SBF1: variants seen among roughly 807,000 people sequenced by gnomAD.
SBF1 encodes the protein SET binding factor 1.
In SBF1, 65 loss-of-function variants were observed where a neutral mutation model predicts 215.8. That is an observed-to-expected ratio of 0.30 (90% CI 0.25 to 0.37). The LOEUF (loss-of-function observed/expected upper bound fraction) is 0.37. SBF1 is among the 10% of genes least tolerant of loss of function. The probability of loss-of-function intolerance (pLI) is 1.00; values close to 1 mark genes in which losing one functional copy is unlikely to be tolerated. For synonymous variants in SBF1, 1,410 were observed against 1,122.8 expected (o/e 1.26, Z -5.11); for missense variants, 2,634 against 2,667.8 (o/e 0.99, Z 0.28).
intron 4 of SBF1, 36 bp from the exon 5 acceptor site, chr22:50,467,484 G>A (rs749357254): frequency 1.1e-5 from 17 of 1,613,728 alleles, no homozygotes; most frequent in Admixed American, 3.3e-5. Context: ...TGGGACAGCC[G>A]ATGGAAGCAC....
chr22:50,446,921 C>T lies in SBF1; in HGVS notation c.*221G>A. The T allele has an allele frequency of 1.4e-6, 1 of 722,732 alleles. No homozygotes were observed. The highest frequency in any genetic ancestry group is 1.4e-5 in the South Asian group (1 of 69,006). The allele number at this position is 722,732 out of a possible 1,614,324, so 44.8% of individuals were successfully genotyped here. A position where few individuals can be genotyped will look rare whatever the true frequency, so the allele number is the denominator to read the frequency against. On this transcript the variant is annotated 3_prime_UTR_variant, in exon 41 of 41. Coordinates refer to ENST00000380817, the MANE Select transcript of SBF1 (RefSeq NM_002972.4). The stretch of plus-strand genomic sequence containing the variant: ...ATTTACAGGCCCATTGCGGGCTGTA[C>T]CTTGGCCACCTCCCGGCACGGTGCT...
chr22:50,453,316 C>CTGCT (rs1262031274), intron 36 of SBF1, among the ~76,000 whole-genome samples: 2 of 152,234 alleles, frequency 1.3e-5, no homozygotes, highest in African/African-American at 4.8e-5. Context: ...GAAAAAGGGA[C>CTGCT]TGCTGTCTGT....
intron 36 of SBF1, 146 bp downstream of exon 36, chr22:50,454,366 T>A: frequency 2.9e-6 from 2 of 694,868 alleles, no homozygotes; most frequent in South Asian, 3.5e-5. Context: ...GCAGTTCACA[T>A]GGTGGGGAGA....
rs1569513437 is a variant in SBF1 at position 50,465,083 on chromosome 22, A to G, written c.1250T>C (p.Met417Thr). The G allele has an allele frequency of 1.9e-6, 3 of 1,614,098 alleles. No homozygotes were observed. The highest frequency in any genetic ancestry group is 2.5e-6 in the Non-Finnish European group (3 of 1,180,008). ...QRGLVEDDFL[M>T]KVLEGMAFAG... The stretch of plus-strand genomic sequence containing the variant: ...AAAGGCCATGCCCTCCAGCACCTTC[A>G]TCAGGAAATCGTCCTCTACCAGCCC... The change falls in exon 12 of 41, where the codon ATG (methionine) becomes ACG (threonine). Residue 417 changes from methionine (M) to threonine (T), a missense_variant. Transcript: ENST00000380817.
chr22:50,455,758 G>A lies in SBF1; in HGVS notation c.4267-176C>T, dbSNP rs984996739. ...AAACACAGCTCGCTCTGGGTGTGCC[G>A]ACCACCGCCTCCAGCCTGCTGGTCA... On this transcript the variant is annotated intron_variant, in intron 31 of 40. Transcript: ENST00000380817. 76 of 622,438 alleles carry A rather than the reference G, an allele frequency of 1.2e-4. No individual in the cohort carries two copies. The Admixed American group carries it at 1.7e-3, about 14-fold the overall frequency. 38.6% of individuals were successfully genotyped at this position (622,438 alleles called of 1,614,324 possible).
At position 50,446,956 on chromosome 22, in the gene SBF1, C is replaced by G. The variant is rs555912344; in HGVS notation, c.*186G>C. 2 of 710,314 alleles carry G rather than the reference C, an allele frequency of 2.8e-6. No homozygotes were observed. The highest frequency in any genetic ancestry group is 2.5e-6 in the Non-Finnish European group (1 of 394,278). 44.0% of individuals were successfully genotyped at this position (710,314 alleles called of 1,614,324 possible). Reference sequence around the variant, plus strand: ...CTCCCGGCACGGTGCTCAGCTGTGACGCCAAAATAAGTTAGGGCCGGCCGG... The same window carrying G: ...CTCCCGGCACGGTGCTCAGCTGTGAGGCCAAAATAAGTTAGGGCCGGCCGG... On this transcript the variant is annotated 3_prime_UTR_variant, in exon 41 of 41. Coordinates refer to ENST00000380817, the MANE Select transcript of SBF1 (RefSeq NM_002972.4).
Position 50,455,299 on chromosome 22 carries a change from A to T in SBF1, c.4479T>A (p.Arg1493=). Residue 1493 remains arginine (R), a synonymous_variant, in exon 33 of 41, where the codon CGT becomes CGA. Coordinates refer to ENST00000380817, the MANE Select transcript of SBF1 (RefSeq NM_002972.4). ...TCTGCCCGGCCAGGGTGTGAGCTCCACGGTGGCTGAAGCGATGGCCGAAGG... is the reference window on the plus strand; with the variant it reads ...TCTGCCCGGCCAGGGTGTGAGCTCCTCGGTGGCTGAAGCGATGGCCGAAGG... ...WLSFGHRFSH[R]GAHTLAGQSS... 1 of 1,613,456 alleles carries T rather than the reference A, an allele frequency of 6.2e-7. No homozygotes were observed. Among genetic ancestry groups the T allele is most frequent in the Non-Finnish European group, 8.5e-7 (1 of 1,179,922 alleles).
intron 23 of SBF1, among the ~76,000 whole-genome samples, chr22:50,460,931 G>A (rs1196961734): frequency 6.6e-6 from 1 of 152,220 alleles, no homozygotes; most frequent in Non-Finnish European, 1.5e-5. Context: ...GCACACCCAA[G>A]ACACGGACTT....
rs944236546 is a variant in SBF1 at position 50,465,855 on chromosome 22, T to A, written c.1012-15A>T. 5 of 1,612,894 alleles carry A rather than the reference T, an allele frequency of 3.1e-6. No individual in the cohort carries two copies. Among genetic ancestry groups the A allele is most frequent in the Admixed American group, 3.3e-5 (2 of 59,948 alleles). On this transcript the variant is annotated splice_polypyrimidine_tract_variant and intron_variant, in intron 9 of 40. Transcript: ENST00000380817. ...GGGTCCAGGACCTGCCAGCACAGAA[T>A]GGAGCAGGCAGCTGCACGCTGGCCC...
At chr22:50,456,079 G>A in intron 31 of SBF1, 137 bp downstream of exon 31, 1 of 927,834 alleles carries the variant, frequency 1.1e-6, no homozygotes, top group Non-Finnish European at 1.6e-6. Context: ...ACCAGAGCCT[G>A]GGTGGGAAGT....
intron 36 of SBF1, 29 bp downstream of exon 36, chr22:50,454,483 G>T (rs377054797): frequency 3.2e-6 from 5 of 1,576,610 alleles, no homozygotes; most frequent in Non-Finnish European, 4.3e-6. Context: ...GGGGTGCCAG[G>T]CCAGACCCTG....
chr22:50,453,815 G>C (rs1467641968), intron 36 of SBF1, among the ~76,000 whole-genome samples: 1 of 152,004 alleles, frequency 6.6e-6, no homozygotes, highest in East Asian at 1.9e-4. Context: ...TAACCTCTAA[G>C]GCCACACAGC....
chr22:50,448,009 G>A (rs2066900712), intron 38 of SBF1, among the ~76,000 whole-genome samples: 1 of 152,130 alleles, frequency 6.6e-6, no homozygotes, highest in Non-Finnish European at 1.5e-5. Context: ...CCAGACTCCA[G>A]ACTCACGGGG....
chr22:50,453,478 C>CAG (rs1396575957), intron 36 of SBF1, among the ~76,000 whole-genome samples: 4 of 152,178 alleles, frequency 2.6e-5, no homozygotes, highest in Non-Finnish European at 5.9e-5. Context: ...CACAAGGAAC[C>CAG]AGAAGCTCTA....
rs985753230 is a variant in SBF1, at chr22:50,463,268, G to A, written c.1899+15C>T. On this transcript the variant is annotated intron_variant, in intron 16 of 40. Transcript: ENST00000380817. Reference sequence around the variant, plus strand: ...GCGCCATGAGCCATGTCACTAGCAGGATAAGAGGCCTCACCTGCAGGCAGC... The same window carrying A: ...GCGCCATGAGCCATGTCACTAGCAGAATAAGAGGCCTCACCTGCAGGCAGC... 6.2e-6 allele frequency: 10 copies of A among 1,612,896 alleles called. No individual in the cohort carries two copies. Among genetic ancestry groups the A allele is most frequent in the Non-Finnish European group, 8.5e-6 (10 of 1,179,742 alleles).
Position 50,465,224 on chromosome 22 carries a change from G to A in SBF1, c.1194C>T (p.Arg398=). The change falls in exon 11 of 41, where the codon CGC becomes CGT. Residue 398 remains arginine (R), a synonymous_variant. Transcript: ENST00000380817. The part of the protein sequence containing the change: ...VVRIHPEPVI[R]FHKAAFLGQR... ...CCACCAGGCACCCCACCTTATGGAA[G>A]CGGATGACAGGCTCCGGGTGGATGC... 1 of 1,612,680 alleles carries A rather than the reference G, an allele frequency of 6.2e-7. No individual in the cohort carries two copies. The highest frequency in any genetic ancestry group is 2.2e-5 in the East Asian group (1 of 44,832).
At chr22:50,453,516 G>A (rs1277888586) in intron 36 of SBF1, among the ~76,000 whole-genome samples, 7 of 152,182 alleles carry the variant, frequency 4.6e-5, no homozygotes, top group East Asian at 3.8e-4. Flanking sequence ...GGCCAGGCAC[G>A]GTGGCTCACG....
At chr22:50,465,379 C>A (rs2067705163) in intron 10 of SBF1, 51 bp from the exon 11 acceptor site, 1 of 1,475,102 alleles carries the variant, frequency 6.8e-7, no homozygotes, top group South Asian at 1.2e-5. Flanking sequence ...AATCCCCACC[C>A]CAGGCTGCCC....
intron 36 of SBF1, among the ~76,000 whole-genome samples, chr22:50,448,894 C>G (rs148590310): frequency 1.3e-5 from 2 of 152,168 alleles, no homozygotes; most frequent in African/African-American, 4.8e-5. Flanking sequence ...GCACTACAGA[C>G]CCCAACAGGG....
Sources: gnomAD v4.1 joint callset for allele counts (sites outside exome capture counted in the v4.1 genomes callset) on GRCh38, gnomAD v4.1.1 for gene constraint, MANE v1.5 for transcripts, NCBI Gene and HGNC (gene_info 2026-07-23, HGNC 2026-07-21) for gene names.